CNBD1: variants seen among roughly 807,000 people sequenced by gnomAD.
CNBD1 encodes cyclic nucleotide-binding domain-containing protein 1.
In CNBD1, 71 loss-of-function variants were observed where a neutral mutation model predicts 54.4. The observed-to-expected ratio is 1.30, with a 90% CI of 1.08 to 1.59. The LOEUF is 1.59. Among genes scored for constraint, CNBD1 ranks in the 40% most tolerant of loss-of-function variants. The probability of loss-of-function intolerance (pLI) is 0.00; values close to 1 mark genes in which losing one functional copy is unlikely to be tolerated. For missense variants in CNBD1, 659 were observed against 518.0 expected, an observed-to-expected ratio of 1.27 and a Z score of -2.64; for synonymous variants, 182 against 170.7, an observed-to-expected ratio of 1.07 and a Z score of -0.51.
intron 8 of CNBD1, among the ~76,000 whole-genome samples, chr8:87,310,577 A>G (rs1163845445): frequency 6.6e-6 from 1 of 152,154 alleles, no homozygotes; most frequent in Non-Finnish European, 1.5e-5. Context: ...CTACAGTTTT[A>G]ACACTATTTC....
intron 3 of CNBD1, among the ~76,000 whole-genome samples, chr8:86,927,018 C>T (rs983783897): frequency 2.0e-5 from 3 of 152,064 alleles, no homozygotes; most frequent in African/African-American, 7.2e-5. Flanking sequence ...GTTCAGGTGC[C>T]TGTGCAGTTG....
intron 4 of CNBD1, among the ~76,000 whole-genome samples, chr8:86,959,701 A>G (rs2130466571): frequency 6.6e-6 from 1 of 152,222 alleles, no homozygotes; most frequent in East Asian, 1.9e-4. Flanking sequence ...CAGCTCCATC[A>G]GGTCATTTAA....
At chr8:86,874,847 G>T (rs1808490966) in intron 1 of CNBD1, among the ~76,000 whole-genome samples, 1 of 151,216 alleles carries the variant, frequency 6.6e-6, no homozygotes, top group African/African-American at 2.4e-5. Context: ...TTCCCTAAGA[G>T]CCCTGTTTTG....
chr8:87,183,137 C>T (rs959236052), intron 4 of CNBD1, among the ~76,000 whole-genome samples: 17 of 152,250 alleles, frequency 1.1e-4, no homozygotes, highest in African/African-American at 4.1e-4. Flanking sequence ...GTTATCCCAG[C>T]ACCATTTATT....
intron 10 of CNBD1, among the ~76,000 whole-genome samples, chr8:87,378,346 G>A (rs1810995053): frequency 6.8e-6 from 1 of 148,010 alleles, no homozygotes; most frequent in Admixed American, 6.7e-5. Flanking sequence ...TGTAAGGAAG[G>A]GATCCAGTTT....
chr8:87,166,190 G>A lies in CNBD1; in HGVS notation c.432-39803G>A, dbSNP rs771036847. ...AATAAATGAGACTAGGAATTATCCA[G>A]ATGAGTAAGTGACAAACCTAAGCAT... On this transcript the variant is annotated intron_variant, in intron 4 of 10. Transcript: ENST00000518476. This position sits in a 1 kb window ranked among gnomAD's most constrained non-coding sequence, Gnocchi z 4.3. 1.3e-5 allele frequency among the ~76,000 whole-genome samples: 2 copies of A among 151,814 alleles called. No individual in the cohort carries two copies. Among genetic ancestry groups the A allele is most frequent in the Non-Finnish European group, 2.9e-5 (2 of 67,878 alleles).
intron 4 of CNBD1, among the ~76,000 whole-genome samples, chr8:86,986,629 G>T (rs542891407): frequency 6.6e-6 from 1 of 152,254 alleles, no homozygotes; most frequent in East Asian, 1.9e-4. Context: ...TTTCTGGTAG[G>T]ATTTTTATAG....
chr8:87,264,835 G>T (rs553861558), intron 6 of CNBD1, among the ~76,000 whole-genome samples: 200 of 151,954 alleles, frequency 1.3e-3, no homozygotes, highest in Non-Finnish European at 2.2e-3. Flanking sequence ...TCGCCCACTT[G>T]TTGATGGGGT....
intron 8 of CNBD1, among the ~76,000 whole-genome samples, chr8:87,291,111 T>G (rs187521897): frequency 1.3e-4 from 20 of 152,320 alleles, no homozygotes; most frequent in Admixed American, 7.9e-4. Flanking sequence ...TCATTGTTAT[T>G]CAGGTAAAAT....
At chr8:87,388,205 A>G (rs1811231801) in intron 2 of CNBD1, among the ~76,000 whole-genome samples, 1 of 152,304 alleles carries the variant, frequency 6.6e-6, no homozygotes. Context: ...TAGAGAAGCA[A>G]GAGAAAACAC....
At chr8:87,188,033 G>C (rs1163491923) in intron 4 of CNBD1, among the ~76,000 whole-genome samples, 1 of 152,014 alleles carries the variant, frequency 6.6e-6, no homozygotes, top group African/African-American at 2.4e-5. Context: ...TGCTCTCTCT[G>C]CTCCAACCAC....
intron 4 of CNBD1, among the ~76,000 whole-genome samples, chr8:87,027,548 G>A (rs1358095472): frequency 6.6e-6 from 1 of 152,184 alleles, no homozygotes; most frequent in Admixed American, 6.5e-5. Context: ...GGGATTATAG[G>A]CATGAGCCAC....
At chr8:87,376,603 C>T (rs1810945084) in intron 10 of CNBD1, among the ~76,000 whole-genome samples, 1 of 151,914 alleles carries the variant, frequency 6.6e-6, no homozygotes. Flanking sequence ...CATATGTATT[C>T]ATAGAGTTCT....
chr8:87,426,903 G>C (rs867897836), intron 2 of CNBD1, among the ~76,000 whole-genome samples: 2 of 152,132 alleles, frequency 1.3e-5, no homozygotes, highest in South Asian at 2.1e-4. Flanking sequence ...CAAATTTATA[G>C]GTGTGGATAA....
chr8:87,319,564 C>G (rs949707263), intron 8 of CNBD1, among the ~76,000 whole-genome samples: 4 of 151,930 alleles, frequency 2.6e-5, no homozygotes, highest in Admixed American at 1.3e-4. Context: ...AAAATTTCTA[C>G]TATACAAAAA....
chr8:87,004,776 A>G (rs562507013), intron 4 of CNBD1, among the ~76,000 whole-genome samples: 1 of 152,300 alleles, frequency 6.6e-6, no homozygotes, highest in African/African-American at 2.4e-5. Flanking sequence ...TTCGAACAAT[A>G]TAATGAATTG....
rs192862791 is a variant in CNBD1 at position 87,298,736 on chromosome 8, G to A, written c.1042+12065G>A. Among the ~76,000 whole-genome samples, 8 of 151,630 alleles carry A rather than the reference G, an allele frequency of 5.3e-5. No individual in the cohort carries two copies. The East Asian group carries it at 5.9e-4, about 11-fold the overall frequency. ...CCTGACCTTGTGATTTGCCTTCCTCGGCCTCCCAAAGTGCTGGGATTACAG... is the reference window on the plus strand; with the variant it reads ...CCTGACCTTGTGATTTGCCTTCCTCAGCCTCCCAAAGTGCTGGGATTACAG... On this transcript the variant is annotated intron_variant, in intron 8 of 10. Coordinates refer to ENST00000518476, the MANE Select transcript of CNBD1 (RefSeq NM_173538.3).
rs1408797658 is a variant in CNBD1, at chr8:87,319,486, A to G, written c.1043-32199A>G. ...TGGAGTTTAGATGAGTACTCATAGA[A>G]TAACCTATATGAACTTTATTTGAAG... On this transcript the variant is annotated intron_variant, in intron 8 of 10. Coordinates refer to ENST00000518476, the MANE Select transcript of CNBD1 (RefSeq NM_173538.3). Among the ~76,000 whole-genome samples the G allele has an allele frequency of 2.0e-5, 3 of 152,124 alleles. No homozygotes were observed. In the East Asian group the frequency reaches 5.8e-4, roughly 29 times the overall value.
At chr8:87,227,932 G>C (rs987493183) in intron 5 of CNBD1, among the ~76,000 whole-genome samples, 2 of 149,064 alleles carry the variant, frequency 1.3e-5, no homozygotes, top group Non-Finnish European at 3.0e-5. Flanking sequence ...TGGAGGCTTT[G>C]CTCATTTCTT....
Sources: allele counts gnomAD v4.1 joint callset (sites outside exome capture counted in the v4.1 genomes callset), GRCh38; gene constraint gnomAD v4.1.1; non-coding constraint Gnocchi (gnomAD v3.1); transcripts MANE v1.5; gene names NCBI Gene and HGNC (gene_info 2026-07-23, HGNC 2026-07-21).